GALK2: variants seen among roughly 807,000 people sequenced by gnomAD.
GALK2 encodes the protein N-acetylgalactosamine kinase.
In GALK2, 36 loss-of-function variants were observed where a neutral mutation model predicts 52.4. The ratio of observed to expected loss-of-function variants is 0.69; its 90% confidence interval spans 0.53 to 0.91. The LOEUF (loss-of-function observed/expected upper bound fraction) is 0.91. Among genes scored for constraint, GALK2 ranks in the 40% least tolerant of loss-of-function variants. GALK2 has a pLI of 0.00. For missense variants in GALK2, 579 were observed against 559.1 expected (o/e 1.04, Z -0.36); for synonymous variants, 176 against 199.1 (o/e 0.88, Z 0.98).
At chr15:49,176,205 T>G (rs918086227) in intron 1 of GALK2, among the ~76,000 whole-genome samples, 1 of 152,280 alleles carries the variant, frequency 6.6e-6, no homozygotes, top group Non-Finnish European at 1.5e-5. Context: ...AGACCTTTTG[T>G]TCCTGACTTC....
At chr15:49,321,647 A>C (rs1343441426) in intron 9 of GALK2, among the ~76,000 whole-genome samples, 2 of 152,232 alleles carry the variant, frequency 1.3e-5, no homozygotes, top group Non-Finnish European at 2.9e-5. Flanking sequence ...TTAGAGATCC[A>C]GGAAGGCACT....
chr15:49,295,003 T>C (rs1482660273), intron 8 of GALK2, among the ~76,000 whole-genome samples: 2 of 152,128 alleles, frequency 1.3e-5, no homozygotes, highest in Non-Finnish European at 2.9e-5. Flanking sequence ...CCTAAAAGGA[T>C]GCCAATTAGG....
chr15:49,346,432 C>T (rs2041518088), intron 3 of GALK2, among the ~76,000 whole-genome samples: 1 of 152,190 alleles, frequency 6.6e-6, no homozygotes, highest in Non-Finnish European at 1.5e-5. Context: ...AGGCCACCCC[C>T]ATTTCCCTAA....
chr15:49,241,298 C>T (rs977613182), intron 5 of GALK2, among the ~76,000 whole-genome samples: 1 of 151,886 alleles, frequency 6.6e-6, no homozygotes, highest in African/African-American at 2.4e-5. Context: ...ATCAAGATAC[C>T]TGGTGTTGGA....
At chr15:49,213,525 A>G (rs1397726185) in intron 2 of GALK2, among the ~76,000 whole-genome samples, 1 of 151,804 alleles carries the variant, frequency 6.6e-6, no homozygotes, top group Admixed American at 6.6e-5. Flanking sequence ...TCCACCCCAC[A>G]ATTGGCCCTG....
chr15:49,230,506 T>A (rs2090441360), intron 3 of GALK2, among the ~76,000 whole-genome samples: 1 of 152,226 alleles, frequency 6.6e-6, no homozygotes, highest in African/African-American at 2.4e-5. Context: ...GTGTTCTCTC[T>A]TACATGATCT....
intron 5 of GALK2, among the ~76,000 whole-genome samples, chr15:49,262,602 C>A (rs528988822): frequency 2.0e-5 from 3 of 151,808 alleles, no homozygotes. Flanking sequence ...ATTTCTTGCC[C>A]TCTGCTAGCT....
chr15:49,283,200 A>G (rs933248189), intron 6 of GALK2, among the ~76,000 whole-genome samples: 1 of 152,144 alleles, frequency 6.6e-6, no homozygotes, highest in Non-Finnish European at 1.5e-5. Context: ...ATCTTTTAGA[A>G]CTCAGTTTAG....
At chr15:49,180,743 G>A (rs748594724) in intron 1 of GALK2, among the ~76,000 whole-genome samples, 28 of 151,988 alleles carry the variant, frequency 1.8e-4, no homozygotes, top group Non-Finnish European at 3.4e-4. Flanking sequence ...CTGTATGCTT[G>A]GGCCTTTTCA....
chr15:49,172,050 G>A (rs2141177276), intron 1 of GALK2, among the ~76,000 whole-genome samples: 1 of 152,278 alleles, frequency 6.6e-6, no homozygotes, highest in Middle Eastern at 3.4e-3. Context: ...TGGGATTACA[G>A]GCGTGAGCCA....
At chr15:49,320,254 G>A (rs943358970) in intron 9 of GALK2, among the ~76,000 whole-genome samples, 3 of 152,170 alleles carry the variant, frequency 2.0e-5, no homozygotes, top group African/African-American at 7.2e-5. Context: ...CAAGCTTGAT[G>A]GGAGCATGTG....
intron 5 of GALK2, among the ~76,000 whole-genome samples, chr15:49,256,083 A>G (rs1595853407): frequency 6.6e-6 from 1 of 152,208 alleles, no homozygotes; most frequent in Non-Finnish European, 1.5e-5. Flanking sequence ...GGGTTTGTAT[A>G]TATCACATTT....
intron 8 of GALK2, among the ~76,000 whole-genome samples, chr15:49,299,713 T>TTG: frequency 2.6e-5 from 1 of 38,140 alleles, no homozygotes; most frequent in Admixed American, 2.6e-4. Context: ...GGTATTGCTT[T>TTG]CTTTCTTTCT....
chr15:49,334,247 C>A (rs1432334860), downstream of GALK2: 1 of 984,312 alleles, frequency 1.0e-6, no homozygotes, highest in Non-Finnish European at 1.2e-6. Flanking sequence ...TTCTTTCCTG[C>A]TGCTGTTTTA....
chr15:49,230,228 A>C (rs992329013), intron 3 of GALK2, among the ~76,000 whole-genome samples: 1 of 152,170 alleles, frequency 6.6e-6, no homozygotes, highest in African/African-American at 2.4e-5. Flanking sequence ...GGAACCCAGC[A>C]TGAATTTCCT....
chr15:49,157,079 A>G (rs1446910816), intron 1 of GALK2, among the ~76,000 whole-genome samples: 3 of 152,202 alleles, frequency 2.0e-5, no homozygotes, highest in Non-Finnish European at 4.4e-5. Flanking sequence ...AGCATGACTA[A>G]TCAGCACATC....
intron 1 of GALK2, among the ~76,000 whole-genome samples, chr15:49,189,348 G>T (rs1171659576): frequency 6.6e-6 from 1 of 152,206 alleles, no homozygotes; most frequent in East Asian, 1.9e-4. Context: ...TCTAATTACA[G>T]ACCTGAAGTG....
intron 2 of GALK2, among the ~76,000 whole-genome samples, chr15:49,210,667 C>G (rs927986688): frequency 1.3e-5 from 2 of 152,002 alleles, no homozygotes; most frequent in African/African-American, 4.8e-5. Flanking sequence ...TCGCGAACTC[C>G]TGACCTCAGG....
intron 3 of GALK2, among the ~76,000 whole-genome samples, chr15:49,364,600 T>C (rs920939988): frequency 6.6e-6 from 1 of 152,174 alleles, no homozygotes; most frequent in Non-Finnish European, 1.5e-5. Context: ...AAAAACATAC[T>C]ACAAAAATAT....
Sources: gnomAD v4.1 joint callset for allele counts (sites outside exome capture counted in the v4.1 genomes callset) on GRCh38, gnomAD v4.1.1 for gene constraint, MANE v1.5 for transcripts, NCBI Gene and HGNC (gene_info 2026-07-23, HGNC 2026-07-21) for gene names.